Variants in BCHE observed in about 807,000 individuals in gnomAD.
The protein encoded by BCHE is butyrylcholinesterase, also known as cholinesterase.
In BCHE, 48 loss-of-function variants were observed where a neutral mutation model predicts 51.3. That is an observed-to-expected ratio of 0.94 (90% CI 0.74 to 1.19). The LOEUF is 1.19. Ranked by LOEUF, BCHE falls within the 50% of genes most tolerant of loss-of-function variation. BCHE has a pLI of 0.00. For missense variants in BCHE, 847 were observed against 708.2 expected, an observed-to-expected ratio of 1.20 and a Z score of -2.23; for synonymous variants, 251 against 238.0, an observed-to-expected ratio of 1.05 and a Z score of -0.50.
intron 2 of BCHE, among the ~76,000 whole-genome samples, chr3:165,797,790 C>G (rs192242338): frequency 6.6e-6 from 1 of 152,140 alleles, no homozygotes; most frequent in Non-Finnish European, 1.5e-5. Flanking sequence ...AGTCTAGGAA[C>G]TGCCAGAAAA....
intron 2 of BCHE, among the ~76,000 whole-genome samples, chr3:165,805,311 T>G (rs925301223): frequency 3.3e-5 from 5 of 152,096 alleles, no homozygotes; most frequent in Non-Finnish European, 5.9e-5. Flanking sequence ...CAGGCATCAG[T>G]GTAAAAGAAG....
At chr3:165,831,098 T>C in intron 1 of BCHE, 57 bp from the exon 2 acceptor site, 1 of 1,402,110 alleles carries the variant, frequency 7.1e-7, no homozygotes, top group Non-Finnish European at 9.8e-7. Context: ...CATATTATAC[T>C]TTATTGATGA....
chr3:165,800,873 G>T (rs1332363131), intron 2 of BCHE, among the ~76,000 whole-genome samples: 2 of 152,016 alleles, frequency 1.3e-5, no homozygotes, highest in African/African-American at 4.8e-5. Context: ...TTAATGATTG[G>T]AGATTAATAA....
chr3:165,833,566 T>G (rs925060004), intron 1 of BCHE, among the ~76,000 whole-genome samples: 4 of 152,198 alleles, frequency 2.6e-5, no homozygotes, highest in African/African-American at 9.6e-5. Flanking sequence ...AGCATCATTA[T>G]GTATTGTATG....
intron 2 of BCHE, among the ~76,000 whole-genome samples, chr3:165,828,324 C>T (rs951016670): frequency 6.6e-6 from 1 of 152,038 alleles, no homozygotes; most frequent in Admixed American, 6.6e-5. Context: ...ACTGGCTTAC[C>T]CAGAACCTGG....
At chr3:165,778,666 G>T (rs922380935) in intron 3 of BCHE, 8 of 452,576 alleles carry the variant, frequency 1.8e-5, no homozygotes, top group Non-Finnish European at 3.1e-5. Flanking sequence ...TGAGTAAGCA[G>T]ACCCTGTCAT....
At chr3:165,787,004 C>T (rs925862241) in intron 2 of BCHE, among the ~76,000 whole-genome samples, 1 of 151,598 alleles carries the variant, frequency 6.6e-6, no homozygotes, top group South Asian at 2.1e-4. Flanking sequence ...GATAGAGTTC[C>T]CCAGTAAATC....
chr3:165,832,270 A>G (rs554041283), intron 1 of BCHE, among the ~76,000 whole-genome samples: 1 of 152,266 alleles, frequency 6.6e-6, no homozygotes, highest in Admixed American at 6.5e-5. Context: ...GGGACAGCAA[A>G]ATGTGATGCA....
intron 2 of BCHE, chr3:165,828,042 G>A (rs531581968): frequency 1.5e-3 from 693 of 455,902 alleles, no homozygotes; most frequent in Non-Finnish European, 2.7e-3. Context: ...TTTCAAGAAC[G>A]TAGTTTAGTA....
chr3:165,778,588 G>A (rs1246327438), intron 3 of BCHE: 1 of 376,406 alleles, frequency 2.7e-6, no homozygotes, highest in Non-Finnish European at 5.8e-6. Context: ...TTCACATTGA[G>A]ATTCAGTGCA....
intron 2 of BCHE, among the ~76,000 whole-genome samples, chr3:165,790,034 A>AGAAATGGC (rs569242861): frequency 1.3e-4 from 20 of 152,184 alleles, no homozygotes; most frequent in African/African-American, 4.8e-4. Context: ...GGGGATAAAT[A>AGAAATGGC]GAAATGGCGG....
chr3:165,777,326 T>A (rs1231461905), intron 3 of BCHE, among the ~76,000 whole-genome samples: 1 of 150,866 alleles, frequency 6.6e-6, no homozygotes, highest in Non-Finnish European at 1.5e-5. Context: ...GATAATTTAC[T>A]TTTTGCCAAA....
chr3:165,773,350 A>G lies in BCHE; in HGVS notation c.*32T>C, dbSNP rs1478913908. 1 of 1,597,720 alleles carries G rather than the reference A, an allele frequency of 6.3e-7. No homozygotes were observed. The highest frequency in any genetic ancestry group is 1.7e-5 in the Admixed American group (1 of 59,286). ...TGATATTTTTGCCTTGATCTAAAGGAAAATATGTTCTATAAAGGGTAAATC... is the reference window on the plus strand; with the variant it reads ...TGATATTTTTGCCTTGATCTAAAGGGAAATATGTTCTATAAAGGGTAAATC... On this transcript the variant is annotated 3_prime_UTR_variant, in exon 4 of 4. Transcript: ENST00000264381.
intron 3 of BCHE, among the ~76,000 whole-genome samples, chr3:165,779,954 A>T (rs921382953): frequency 6.6e-6 from 1 of 152,092 alleles, no homozygotes; most frequent in African/African-American, 2.4e-5. Context: ...GCATAGCAAA[A>T]ACAATCTTAA....
chr3:165,773,977 G>T (rs2686405), intron 3 of BCHE, among the ~76,000 whole-genome samples: 7 of 151,820 alleles, frequency 4.6e-5, no homozygotes, highest in Non-Finnish European at 7.4e-5. Context: ...GTTGGTTCTA[G>T]GACCTCTCAG....
chr3:165,820,759 G>A (rs1307603575), intron 2 of BCHE, among the ~76,000 whole-genome samples: 2 of 151,938 alleles, frequency 1.3e-5, no homozygotes, highest in African/African-American at 2.4e-5. Flanking sequence ...TTGCCTCTAA[G>A]TCTCATGATG....
At chr3:165,803,950 C>T (rs1267375276) in intron 2 of BCHE, among the ~76,000 whole-genome samples, 1 of 151,598 alleles carries the variant, frequency 6.6e-6, no homozygotes, top group Non-Finnish European at 1.5e-5. Flanking sequence ...ATGGAATAAA[C>T]ATGCACAGGA....
At chr3:165,822,047 G>A (rs1376970675) in intron 2 of BCHE, among the ~76,000 whole-genome samples, 1 of 151,948 alleles carries the variant, frequency 6.6e-6, no homozygotes, top group African/African-American at 2.4e-5. Context: ...CATGTGTGCT[G>A]TGATGTTACT....
chr3:165,819,193 C>T (rs1396800711), intron 2 of BCHE, among the ~76,000 whole-genome samples: 1 of 151,684 alleles, frequency 6.6e-6, no homozygotes, highest in Non-Finnish European at 1.5e-5. Context: ...ATTCTCCTGC[C>T]TTAGCTTCCA....
Sources: allele counts gnomAD v4.1 joint callset (sites outside exome capture counted in the v4.1 genomes callset), GRCh38; gene constraint gnomAD v4.1.1; transcripts MANE v1.5; gene names NCBI Gene and HGNC (gene_info 2026-07-23, HGNC 2026-07-21).